The following ZNF521 variants were observed in gnomAD, a reference collection of about 807,000 sequenced individuals.
ZNF521 encodes LYST-interacting protein 3.
Under a neutral mutation model 105.5 loss-of-function variants are expected in ZNF521, and 14 were observed. That is an observed-to-expected ratio of 0.13 (90% CI 0.09 to 0.21). The LOEUF is 0.21. Among genes scored for constraint, ZNF521 ranks in the 10% least tolerant of loss-of-function variants. The probability of loss-of-function intolerance (pLI) is 1.00; values close to 1 mark genes in which losing one functional copy is unlikely to be tolerated. For missense variants in ZNF521, 1,233 were observed against 1,629.7 expected, an observed-to-expected ratio of 0.76 and a Z score of 4.19; for synonymous variants, 635 against 606.0, an observed-to-expected ratio of 1.05 and a Z score of -0.70.
At chr18:25,249,438 T>G (rs1334292909) in intron 3 of ZNF521, among the ~76,000 whole-genome samples, 3 of 151,484 alleles carry the variant, frequency 2.0e-5, no homozygotes, top group African/African-American at 7.3e-5. Context: ...ATTACAGGCT[T>G]GAGCCACCAC....
intron 7 of ZNF521, among the ~76,000 whole-genome samples, chr18:25,076,471 A>G (rs2033364786): frequency 6.6e-6 from 1 of 152,172 alleles, no homozygotes; most frequent in Non-Finnish European, 1.5e-5. Context: ...AAATATTGAA[A>G]TGAATTATCT....
At position 25,224,448 on chromosome 18, in the gene ZNF521, A is replaced by G. The variant is rs749350709; in HGVS notation, c.3470T>C (p.Ile1157Thr). The G allele has an allele frequency of 1.9e-6, 3 of 1,609,030 alleles. No individual in the cohort carries two copies. The South Asian group carries it at 3.3e-5, about 18-fold the overall frequency. Residue 1157 changes from isoleucine to threonine, a missense_variant, in exon 4 of 8, where the codon ATC becomes ACC. Physicochemically the swap from Ile to Thr is moderately conservative, Grantham distance 89. This residue lies in a region of ZNF521 where 614 missense variants were observed against 751.5 expected (regional missense o/e 0.82). Transcript: ENST00000361524. ...FESESELQNH[I>T]QTIHRELVPD... ...CACGAGCTCTCGGTGGATGGTTTGG[A>G]TGTGGTTCTGGAGTTCACTTTCAGA...
intron 3 of ZNF521, among the ~76,000 whole-genome samples, chr18:25,321,426 T>C (rs1022807175): frequency 6.6e-6 from 1 of 152,192 alleles, no homozygotes; most frequent in Non-Finnish European, 1.5e-5. Flanking sequence ...GTACCTACTA[T>C]AGGCCAGGTA....
chr18:25,069,686 A>C (rs1035439346), intron 7 of ZNF521, among the ~76,000 whole-genome samples: 17 of 152,232 alleles, frequency 1.1e-4, no homozygotes, highest in African/African-American at 3.9e-4. Flanking sequence ...TATTTTTTAA[A>C]GGACAAATAT....
intron 2 of ZNF521, among the ~76,000 whole-genome samples, chr18:25,345,512 T>C (rs180828818): frequency 6.6e-6 from 1 of 152,324 alleles, no homozygotes; most frequent in African/African-American, 2.4e-5. Flanking sequence ...AATCCACTCA[T>C]GCATAAAACA....
chr18:25,107,352 CT>C lies in ZNF521; in HGVS notation c.3659-15272del, dbSNP rs758012683. ...TATCTTTTAACACTCAGCATTTTTA[CT>C]TTCTTATTATCTAGGATACAGATCT... On this transcript the variant is annotated intron_variant, in intron 5 of 7. Coordinates refer to ENST00000361524, the MANE Select transcript of ZNF521 (RefSeq NM_015461.3). Among the ~76,000 whole-genome samples the C allele has an allele frequency of 5.3e-5, 8 of 152,214 alleles. No homozygotes were observed. In the East Asian group the frequency reaches 1.5e-3, roughly 29 times the overall value.
intron 5 of ZNF521, among the ~76,000 whole-genome samples, chr18:25,143,382 G>A (rs568502127): frequency 2.8e-4 from 42 of 152,222 alleles, no homozygotes; most frequent in African/African-American, 8.2e-4. Context: ...GCTTTCAGGA[G>A]TAAAGAGATG....
At chr18:25,134,009 T>C (rs531983828) in intron 5 of ZNF521, among the ~76,000 whole-genome samples, 10 of 152,074 alleles carry the variant, frequency 6.6e-5, no homozygotes, top group Non-Finnish European at 1.5e-4. Flanking sequence ...CACAGAGTAA[T>C]GACATTTAAT....
rs67381140 is a variant in ZNF521, at chr18:25,273,220, C to CAAAAA, written c.221-45528_221-45524dup. ...CCCAAGAGGAGTGAAACCCTGTCTCCAAAAAAAAAAAAAAAAAAAAAAAAA... is the reference window on the plus strand; with the variant it reads ...CCCAAGAGGAGTGAAACCCTGTCTCCAAAAAAAAAAAAAAAAAAAAAAAAAAAAAA... On this transcript the variant is annotated intron_variant, in intron 3 of 7. Transcript: ENST00000361524. Among the ~76,000 whole-genome samples the CAAAAA allele has an allele frequency of 2.1e-3, 84 of 40,868 alleles. 2 individuals carry two copies. Among genetic ancestry groups the CAAAAA allele is most frequent in the South Asian group, 4.6e-3 (2 of 434 alleles). The allele number at this position is 40,868 out of a possible 152,430, so 26.8% of individuals were successfully genotyped here.
At chr18:25,338,285 G>GTGTGTGTA (rs1914006524) in intron 2 of ZNF521, among the ~76,000 whole-genome samples, 1 of 151,784 alleles carries the variant, frequency 6.6e-6, no homozygotes, top group Non-Finnish European at 1.5e-5. Context: ...GTGTGTGTGT[G>GTGTGTGTA]TGTGTGTGTG....
In ZNF521 at chr18:25,223,887, A is replaced by G. The variant is rs765527197; in HGVS notation, c.3573+458T>C. 5.8e-4 allele frequency: 132 copies of G among 228,722 alleles called. 1 individual carries two copies. Among genetic ancestry groups the G allele is most frequent in the Middle Eastern group, 2.7e-3 (2 of 748 alleles). The allele number at this position is 228,722 out of a possible 1,614,324, so 14.2% of individuals were successfully genotyped here. ...CAGTGAGTGTTGACAACATGGCATT[A>G]AAAAGCCACCCCTACCCAATTTGTT... On this transcript the variant is annotated intron_variant, in intron 4 of 7. Coordinates refer to ENST00000361524, the MANE Select transcript of ZNF521 (RefSeq NM_015461.3).
chr18:25,221,453 TCTATGTAATTCTAAG>T (rs1464990014), intron 4 of ZNF521, among the ~76,000 whole-genome samples: 3 of 152,192 alleles, frequency 2.0e-5, no homozygotes, highest in Non-Finnish European at 4.4e-5. Flanking sequence ...TTACCGATAT[TCTATGTAATTCTAAG>T]TCATGGTCCA....
intron 2 of ZNF521, among the ~76,000 whole-genome samples, chr18:25,325,699 C>T (rs1291223273): frequency 6.6e-6 from 1 of 152,308 alleles, no homozygotes; most frequent in East Asian, 1.9e-4. Context: ...CAACTTTCCA[C>T]CTCATCCTCT....
At chr18:25,177,644 C>A (rs141203230) in intron 5 of ZNF521, among the ~76,000 whole-genome samples, 1 of 151,702 alleles carries the variant, frequency 6.6e-6, no homozygotes, top group Non-Finnish European at 1.5e-5. Context: ...TTAAAAAATA[C>A]ATTTTAGAGA....
intron 5 of ZNF521, among the ~76,000 whole-genome samples, chr18:25,121,361 TCTC>T (rs572248616): frequency 1.3e-5 from 2 of 151,472 alleles, no homozygotes; most frequent in East Asian, 2.0e-4. Flanking sequence ...TTCAAGCAAT[TCTC>T]CTGCCTCAGC....
At chr18:25,241,398 T>G (rs757732045) in intron 3 of ZNF521, among the ~76,000 whole-genome samples, 2 of 152,192 alleles carry the variant, frequency 1.3e-5, no homozygotes, top group Non-Finnish European at 2.9e-5. Flanking sequence ...TCCAGTTCCA[T>G]GGTGGCTCGA....
At chr18:25,222,069 A>G (rs1197552958) in intron 4 of ZNF521, among the ~76,000 whole-genome samples, 1 of 152,148 alleles carries the variant, frequency 6.6e-6, no homozygotes, top group Non-Finnish European at 1.5e-5. Context: ...AATATTTGAA[A>G]CTAAATCCTA....
chr18:25,148,396 C>T (rs1484429467), intron 5 of ZNF521, among the ~76,000 whole-genome samples: 2 of 152,186 alleles, frequency 1.3e-5, no homozygotes, highest in Non-Finnish European at 2.9e-5. Flanking sequence ...TATGTATTCA[C>T]ATCTGTCATC....
intron 5 of ZNF521, among the ~76,000 whole-genome samples, chr18:25,127,756 T>C (rs1164634906): frequency 6.6e-6 from 1 of 151,946 alleles, no homozygotes; most frequent in African/African-American, 2.4e-5. Flanking sequence ...TGTTTGTGAG[T>C]TTAAGAGTAC....
Sources: gnomAD v4.1 joint callset for allele counts (sites outside exome capture counted in the v4.1 genomes callset) on GRCh38, gnomAD v4.1.1 for gene constraint, gnomAD v4.1.1 regional missense constraint, MANE v1.5 for transcripts, NCBI Gene and HGNC (gene_info 2026-07-23, HGNC 2026-07-21) for gene names.